STIL: variants seen among roughly 807,000 people sequenced by gnomAD.
STIL encodes the protein STIL centriolar assembly protein, also known as SCL-interrupting locus protein.
A neutral mutation model predicts 110.1 loss-of-function variants in STIL; 55 were observed. The observed-to-expected ratio is 0.50, with a 90% CI of 0.40 to 0.63. The LOEUF is 0.63. Ranked by LOEUF, STIL falls within the 20% of genes least tolerant of loss-of-function variation. The pLI, the probability that STIL is intolerant of heterozygous loss-of-function variation, is 0.00. For missense variants in STIL, 1,358 were observed against 1,530.0 expected (o/e 0.89, Z 1.87); for synonymous variants, 481 against 530.0 (o/e 0.91, Z 1.27).
At chr1:47,283,034 G>A (rs1645193957) in intron 10 of STIL, 1 of 153,362 alleles carries the variant, frequency 6.5e-6, no homozygotes, top group South Asian at 2.0e-4. Context: ...GCTGAAATTA[G>A]TGTTTAAGAC....
At chr1:47,275,618 T>A (rs1244530341) in intron 12 of STIL, among the ~76,000 whole-genome samples, 2 of 150,962 alleles carry the variant, frequency 1.3e-5, no homozygotes, top group African/African-American at 4.9e-5. Flanking sequence ...AATAAATAAA[T>A]AAATAAATAA....
intron 6 of STIL, among the ~76,000 whole-genome samples, chr1:47,297,674 A>G (rs916211571): frequency 2.0e-5 from 3 of 152,006 alleles, no homozygotes; most frequent in African/African-American, 7.2e-5. Flanking sequence ...TGCAGCCTTG[A>G]AATCCTAAGC....
intron 12 of STIL, among the ~76,000 whole-genome samples, chr1:47,279,156 G>A (rs1040169933): frequency 3.3e-5 from 5 of 151,756 alleles, no homozygotes; most frequent in Admixed American, 1.3e-4. Context: ...AAAATTAGCC[G>A]GGCATAGTCC....
chr1:47,270,241 A>AT (rs1553172351), intron 13 of STIL, among the ~76,000 whole-genome samples: 1,600 of 118,550 alleles, frequency 0.013, 40 homozygotes, highest in African/African-American at 0.037. Flanking sequence ...AAAAAAAAAA[A>AT]ATATATATAT....
intron 16 of STIL, among the ~76,000 whole-genome samples, chr1:47,254,150 C>T (rs12061032): frequency 0.078 from 9,721 of 125,286 alleles, 1,100 homozygotes; most frequent in African/African-American, 0.26. Context: ...CACTGCATTC[C>T]AGCCTAGGTG....
chr1:47,258,350 C>T (rs1383360870), intron 16 of STIL, among the ~76,000 whole-genome samples: 3 of 152,124 alleles, frequency 2.0e-5, no homozygotes, highest in Non-Finnish European at 4.4e-5. Context: ...AGGAATTTAT[C>T]CTACAAAGAT....
At chr1:47,260,819 G>C (rs1258323431) in intron 15 of STIL, among the ~76,000 whole-genome samples, 3 of 152,102 alleles carry the variant, frequency 2.0e-5, no homozygotes, top group Non-Finnish European at 2.9e-5. Context: ...AGTTAGCCGT[G>C]ATTGTGCCAC....
chr1:47,260,509 A>G lies in STIL; in HGVS notation c.2860T>C (p.Ser954Pro), dbSNP rs1462806942. 1 of 1,614,062 alleles carries G rather than the reference A, an allele frequency of 6.2e-7. No individual in the cohort carries two copies. The highest frequency in any genetic ancestry group is 8.5e-7 in the Non-Finnish European group (1 of 1,180,050). ...GTAGACGGCTGCTCAGTTTCCTTGG[A>G]GGAACTATTTAATAGGTGGTTTACT... is the stretch of plus-strand genomic sequence containing the variant. ...GQVNHLLNSS[S>P]KETEQPSTKA... The change falls in exon 16 of 17, where the codon TCC becomes CCC. Residue 954 changes from serine to proline, a missense_variant. Ser to Pro is a moderately conservative substitution (Grantham distance 74). Coordinates refer to ENST00000371877, the MANE Select transcript of STIL (RefSeq NM_001048166.1).
At chr1:47,304,109 G>C (rs1645884174) in intron 3 of STIL, among the ~76,000 whole-genome samples, 1 of 151,632 alleles carries the variant, frequency 6.6e-6, no homozygotes, top group Admixed American at 6.6e-5. Flanking sequence ...ACTAGAATCA[G>C]GATTTGATTC....
chr1:47,262,849 T>C, intron 15 of STIL, 54 bp downstream of exon 15: 2 of 1,540,482 alleles, frequency 1.3e-6, no homozygotes, highest in South Asian at 1.1e-5. Context: ...TTAACTAGTA[T>C]ATCCTATACT....
At position 47,279,282 on chromosome 1, in the gene STIL, C is replaced by CA. The variant is rs11325942; in HGVS notation, c.2217+958dup. Reference sequence around the variant, plus strand: ...TGGGCGACAGAGAAATACTCCGTCTCAAAAAAAAAAAAAAAAAATCATACG... The same window carrying CA: ...TGGGCGACAGAGAAATACTCCGTCTCAAAAAAAAAAAAAAAAAAATCATACG... On this transcript the variant is annotated intron_variant, in intron 12 of 16. Transcript: ENST00000371877. 8.7e-3 allele frequency among the ~76,000 whole-genome samples: 935 copies of CA among 107,064 alleles called. 9 individuals carry two copies. Among genetic ancestry groups the CA allele is most frequent in the African/African-American group, 0.026 (655 of 25,136 alleles). 70.2% of individuals were successfully genotyped at this position (107,064 alleles called of 152,430 possible).
intron 10 of STIL, chr1:47,283,070 C>T (rs1645195284): frequency 6.6e-6 from 1 of 152,620 alleles, no homozygotes; most frequent in African/African-American, 2.4e-5. Context: ...CTATATGCAT[C>T]AGGCTTTTTT....
rs72686204 is a variant in STIL at position 47,292,173 on chromosome 1, G to A, written c.872+1285C>T. Among the ~76,000 whole-genome samples the A allele has an allele frequency of 5.6e-3, 847 of 151,806 alleles. 8 individuals are homozygous for A. Among genetic ancestry groups the A allele is most frequent in the Non-Finnish European group, 6.2e-3 (421 of 67,958 alleles). ...ACATAAGACACCATGCCTGGTCTGG[G>A]GACCTTTATTTTGTTTACTCTGATC... On this transcript the variant is annotated intron_variant, in intron 8 of 16. Coordinates refer to ENST00000371877, the MANE Select transcript of STIL (RefSeq NM_001048166.1).
chr1:47,293,388 A>T, intron 8 of STIL, 70 bp downstream of exon 8: 1 of 1,309,794 alleles, frequency 7.6e-7, no homozygotes, highest in Non-Finnish European at 1.1e-6. Context: ...CATGAATTTT[A>T]AATGGGACCA....
intron 14 of STIL, among the ~76,000 whole-genome samples, chr1:47,265,828 C>T (rs1347750451): frequency 6.6e-6 from 1 of 150,968 alleles, no homozygotes; most frequent in Non-Finnish European, 1.5e-5. Context: ...TCTCTGTCAC[C>T]CAGGCTGGAG....
chr1:47,307,728 G>T (rs1474030917), intron 2 of STIL, among the ~76,000 whole-genome samples: 1 of 152,202 alleles, frequency 6.6e-6, no homozygotes, highest in African/African-American at 2.4e-5. Context: ...TCTGACCGCC[G>T]GTGAGCCAGG....
Position 47,251,893 on chromosome 1 carries a change from A to G in STIL, c.3110T>C (p.Val1037Ala), listed in dbSNP as rs764235713. The G allele has an allele frequency of 1.2e-6, 2 of 1,611,206 alleles. No homozygotes were observed. Among genetic ancestry groups the G allele is most frequent in the South Asian group, 2.2e-5 (2 of 90,384 alleles). The change falls in exon 17 of 17, where the codon GTG (valine) becomes GCG (alanine). Residue 1037 changes from valine (V) to alanine (A), a missense_variant. Physicochemically the swap from Val to Ala is moderately conservative, Grantham distance 64. Coordinates refer to ENST00000371877, the MANE Select transcript of STIL (RefSeq NM_001048166.1). ...TGACATGCAGTTTAATCCAGAGATC[A>G]CTGCTTCTGGGCTGATGCATGCCAA... Reference protein sequence around the residue: ...SVLACISPEAVISGLNCMSFA... With the variant: ...SVLACISPEAAISGLNCMSFA...
At chr1:47,269,947 G>T in intron 13 of STIL, 81 bp from the exon 14 acceptor site, 1 of 1,350,034 alleles carries the variant, frequency 7.4e-7, no homozygotes, top group Non-Finnish European at 1.1e-6. Flanking sequence ...GTTAAGAATA[G>T]CCATATTGGC....
chr1:47,270,239 A>AT lies in STIL; in HGVS notation c.2384-374_2384-373insA, dbSNP rs1190552502. ...GGCAACTCTGGCTCAAAAAAAAAAA[A>AT]AAATATATATATATATACACACACA... On this transcript the variant is annotated intron_variant, in intron 13 of 16. Transcript: ENST00000371877. Among the ~76,000 whole-genome samples, 41 of 119,170 alleles carry AT rather than the reference A, an allele frequency of 3.4e-4. 1 individual carries two copies. Among genetic ancestry groups the AT allele is most frequent in the South Asian group, 1.0e-3 (4 of 3,834 alleles). The allele number at this position is 119,170 out of a possible 152,430, so 78.2% of individuals were successfully genotyped here.
Sources: allele counts gnomAD v4.1 joint callset (sites outside exome capture counted in the v4.1 genomes callset), GRCh38; gene constraint gnomAD v4.1.1; transcripts MANE v1.5; gene names NCBI Gene and HGNC (gene_info 2026-07-23, HGNC 2026-07-21).